The following MON1A variants were observed in gnomAD, a reference collection of about 807,000 sequenced individuals.
MON1A encodes the protein MON1 vesicular trafficking associated A.
Under a neutral mutation model 44.6 loss-of-function variants are expected in MON1A, and 29 were observed. The observed-to-expected ratio is 0.65, with a 90% CI of 0.48 to 0.89. The LOEUF (loss-of-function observed/expected upper bound fraction) is 0.89, where lower values mean the gene tolerates loss of function less well. Among genes scored for constraint, MON1A ranks in the 40% least tolerant of loss-of-function variants. MON1A has a pLI of 0.00. For synonymous variants in MON1A, 275 were observed against 316.4 expected (o/e 0.87, Z 1.39); for missense variants, 615 against 759.6 (o/e 0.81, Z 2.24).
At chr3:49,921,254 TTCA>T (rs2082993859) in intron 1 of MON1A, among the ~76,000 whole-genome samples, 1 of 151,136 alleles carries the variant, frequency 6.6e-6, no homozygotes, top group Non-Finnish European at 1.5e-5. Flanking sequence ...ACCTCCTGGG[TTCA>T]TGCCATTCTC....
rs1559492025 is a variant in MON1A, at chr3:49,911,245, G to GATAGATAGATAGATAGAT, written c.613+280_613+281insATCTATCTATCTATCTAT. On this transcript the variant is annotated intron_variant, in intron 3 of 5. Transcript: ENST00000296473. The surrounding 1 kb of genome is among the most constrained non-coding windows in gnomAD (Gnocchi z 5.7). ...AGATAGATAGATAGATAGATAGATA[G>GATAGATAGATAGATAGAT]AGTTTGTTGTTGTTGTTGTTGTTGC... Among the ~76,000 whole-genome samples, 13 of 78,342 alleles carry GATAGATAGATAGATAGAT rather than the reference G, an allele frequency of 1.7e-4. No individual in the cohort carries two copies. The highest frequency in any genetic ancestry group is 6.8e-3 in the Middle Eastern group (1 of 148). The allele number at this position is 78,342 out of a possible 152,430, so 51.4% of individuals were successfully genotyped here.
At chr3:49,929,024 A>C (rs1358688993) in intron 1 of MON1A, among the ~76,000 whole-genome samples, 1 of 152,216 alleles carries the variant, frequency 6.6e-6, no homozygotes, top group Non-Finnish European at 1.5e-5. Flanking sequence ...GAGCCTGGCC[A>C]ACATGGTGAA....
chr3:49,911,897 G>A lies in MON1A; in HGVS notation c.242C>T (p.Pro81Leu), dbSNP rs754910545. The change falls in exon 3 of 6, where the codon CCG (proline) becomes CTG (leucine). Residue 81 changes from proline (P) to leucine (L), a missense_variant. Physicochemically the swap from Pro to Leu is moderately conservative, Grantham distance 98. Transcript: ENST00000296473. This position sits in a 1 kb window ranked among gnomAD's most constrained non-coding sequence, Gnocchi z 5.7. ...CTGGCGCATGTCTGTAGGCAGCGGC[G>A]GGGGACCCCTGGTACCCTCCTTGTG... is the stretch of plus-strand genomic sequence containing the variant. Reference protein sequence around the residue: ...DSHKEGTRGPPPLPTDMRQIS... With the variant: ...DSHKEGTRGPLPLPTDMRQIS... 5.0e-6 allele frequency: 8 copies of A among 1,613,936 alleles called. 1 individual carries two copies. Among genetic ancestry groups the A allele is most frequent in the South Asian group, 2.2e-5 (2 of 91,080 alleles).
intron 1 of MON1A, among the ~76,000 whole-genome samples, chr3:49,917,256 G>A (rs1000760908): frequency 3.3e-5 from 5 of 152,064 alleles, no homozygotes; most frequent in African/African-American, 7.2e-5. Flanking sequence ...GCCAGCACCC[G>A]GCCTGGAATG....
rs764798216 is a variant in MON1A, at chr3:49,913,121, T to C, written c.127+99A>G. 14 of 1,502,524 alleles carry C rather than the reference T, an allele frequency of 9.3e-6. No individual in the cohort carries two copies. The East Asian group carries it at 3.2e-4, about 34-fold the overall frequency. 93.1% of individuals were successfully genotyped at this position (1,502,524 alleles called of 1,614,324 possible). A position where few individuals can be genotyped will look rare whatever the true frequency, so the allele number is the denominator to read the frequency against. On this transcript the variant is annotated intron_variant, in intron 2 of 5. Coordinates refer to ENST00000296473, the MANE Select transcript of MON1A (RefSeq NM_032355.4). ...AAATATCCAATGAGTGACTGACAAA[T>C]GCATGAATAAGTGGAAAGGAAAAAG...
chr3:49,910,218 C>G lies in MON1A; in HGVS notation c.1280G>C (p.Arg427Pro). The change falls in exon 4 of 6, where the codon CGA becomes CCA. Residue 427 changes from arginine to proline, a missense_variant. Transcript: ENST00000296473. This position sits in a 1 kb window ranked among gnomAD's most constrained non-coding sequence, Gnocchi z 8.0. ...LRKRGAHLALREALRTPYYSV... is the reference protein window; with the variant it reads ...LRKRGAHLALPEALRTPYYSV... ...GTAGTAGGGTGTGCGCAGTGCCTCT[C>G]GCAGGGCCAGGTGGGCTCCGCGCTT... 1.2e-6 allele frequency: 2 copies of G among 1,614,106 alleles called. No homozygotes were observed. Among genetic ancestry groups the G allele is most frequent in the Non-Finnish European group, 1.7e-6 (2 of 1,180,004 alleles).
At chr3:49,914,176 C>T (rs959523545) in intron 1 of MON1A, among the ~76,000 whole-genome samples, 2 of 151,452 alleles carry the variant, frequency 1.3e-5, no homozygotes, top group Admixed American at 6.6e-5. Context: ...CCGCAACCTC[C>T]ACCTCCCAGG....
Position 49,911,766 on chromosome 3 carries a change from CT to C in MON1A, c.372del (p.Ala126GlnfsTer36), listed in dbSNP as rs2082888634. On this transcript the variant is annotated frameshift_variant, in exon 3 of 6. Coordinates refer to ENST00000296473, the MANE Select transcript of MON1A (RefSeq NM_032355.4). LOFTEE classifies it high-confidence loss of function. The surrounding 1 kb of genome is among the most constrained non-coding windows in gnomAD (Gnocchi z 5.7). ...TCTGTGGCTGGTCGCCCAACTGCCC[CT>C]GGGGGTTCCAGCCAATCCTCAGAGC... ...PGSSEDWLEP[P>X]GAVGRPATEP... is the part of the protein sequence containing the mutation. The C allele has an allele frequency of 6.2e-7, 1 of 1,613,566 alleles. No individual in the cohort carries two copies. Among genetic ancestry groups the C allele is most frequent in the Non-Finnish European group, 8.5e-7 (1 of 1,179,788 alleles).
At chr3:49,917,234 T>C (rs2082952980) in intron 1 of MON1A, among the ~76,000 whole-genome samples, 1 of 152,212 alleles carries the variant, frequency 6.6e-6, no homozygotes, top group South Asian at 2.1e-4. Flanking sequence ...AGTCCTGGGA[T>C]TACAGCTGTG....
intron 1 of MON1A, 143 bp from the exon 2 acceptor site, chr3:49,913,502 C>A: frequency 4.1e-6 from 3 of 725,784 alleles, no homozygotes; most frequent in Non-Finnish European, 6.5e-6. Context: ...GAATTCCTTT[C>A]AAAAAAATAT....
rs751155226 is a variant in MON1A, at chr3:49,910,577, G to C, written c.921C>G (p.Ser307Arg). Reference sequence around the variant, plus strand: ...GCGCACGCGCCTGCTGCAGGCTGGCGCTCACAGTGTCGCGCACGGCCGCCG... The same window carrying C: ...GCGCACGCGCCTGCTGCAGGCTGGCCCTCACAGTGTCGCGCACGGCCGCCG... ...PLAAAVRDTV[S>R]ASLQQARARS... The change falls in exon 4 of 6, where the codon AGC becomes AGG. Residue 307 changes from serine (S) to arginine (R), a missense_variant. Physicochemically the swap from Ser to Arg is moderately radical, Grantham distance 110. Transcript: ENST00000296473. The surrounding 1 kb of genome is among the most constrained non-coding windows in gnomAD (Gnocchi z 8.0). 1 of 1,609,008 alleles carries C rather than the reference G, an allele frequency of 6.2e-7. No homozygotes were observed. The highest frequency in any genetic ancestry group is 8.5e-7 in the Non-Finnish European group (1 of 1,177,586).
chr3:49,924,092 A>C (rs2083028182), intron 1 of MON1A: 1 of 151,668 alleles, frequency 6.6e-6, no homozygotes, highest in Non-Finnish European at 1.5e-5. Flanking sequence ...ATAGGAAAAA[A>C]AAAAAACAAA....
rs2082857216 is a variant in MON1A, at chr3:49,910,212, G to A, written c.1286C>T (p.Ala429Val). ...KRGAHLALREALRTPYYSVAQ... is the reference protein window; with the variant it reads ...KRGAHLALREVLRTPYYSVAQ... ...AACGCTGTAGTAGGGTGTGCGCAGT[G>A]CCTCTCGCAGGGCCAGGTGGGCTCC... Residue 429 changes from alanine to valine, a missense_variant, in exon 4 of 6, where the codon GCA (alanine) becomes GTA (valine). Physicochemically the swap from Ala to Val is moderately conservative, Grantham distance 64 (BLOSUM62 0). Transcript: ENST00000296473. The surrounding 1 kb of genome is among the most constrained non-coding windows in gnomAD (Gnocchi z 8.0). The A allele has an allele frequency of 1.2e-6, 2 of 1,614,002 alleles. No homozygotes were observed. Among genetic ancestry groups the A allele is most frequent in the Admixed American group, 1.7e-5 (1 of 60,008 alleles).
chr3:49,909,057 T>G lies in MON1A; in HGVS notation c.1625A>C (p.Lys542Thr). ...GAGAATGAAGAGGCGGTCTTCCTCTTTGCGGATCCAGCGCATCAGCTTATG... is the reference window on the plus strand; with the variant it reads ...GAGAATGAAGAGGCGGTCTTCCTCTGTGCGGATCCAGCGCATCAGCTTATG... The part of the protein sequence containing the change: ...AIHKLMRWIR[K>T]EEDRLFILTP... Residue 542 changes from lysine to threonine, a missense_variant, in exon 6 of 6, where the codon AAA (lysine) becomes ACA (threonine). By Grantham distance (78) the Lys-to-Thr change is moderately conservative. Coordinates refer to ENST00000296473, the MANE Select transcript of MON1A (RefSeq NM_032355.4). This position sits in a 1 kb window ranked among gnomAD's most constrained non-coding sequence, Gnocchi z 4.0. 6.2e-7 allele frequency: 1 copy of G among 1,613,904 alleles called. No homozygotes were observed. Among genetic ancestry groups the G allele is most frequent in the Non-Finnish European group, 8.5e-7 (1 of 1,179,916 alleles).
At chr3:49,914,580 C>T (rs1346797474) in intron 1 of MON1A, among the ~76,000 whole-genome samples, 5 of 129,460 alleles carry the variant, frequency 3.9e-5, no homozygotes, top group Non-Finnish European at 6.3e-5. Context: ...TGGAGTCTTG[C>T]TCTCTCACCC....
In MON1A at chr3:49,911,248, T is replaced by TTTG. The variant is rs145310828; in HGVS notation, c.613+275_613+277dup. ...TAGATAGATAGATAGATAGATAGAG[T>TTTG]TTGTTGTTGTTGTTGTTGTTGCCTC... On this transcript the variant is annotated intron_variant, in intron 3 of 5. Transcript: ENST00000296473. The surrounding 1 kb of genome is among the most constrained non-coding windows in gnomAD (Gnocchi z 5.7). Among the ~76,000 whole-genome samples the TTTG allele has an allele frequency of 2.3e-4, 12 of 52,140 alleles. No individual in the cohort carries two copies. Among genetic ancestry groups the TTTG allele is most frequent in the South Asian group, 7.6e-4 (2 of 2,648 alleles). The allele number at this position is 52,140 out of a possible 152,430, so 34.2% of individuals were successfully genotyped here. A position where few individuals can be genotyped will look rare whatever the true frequency, so the allele number is the denominator to read the frequency against.
At chr3:49,926,488 ACT>A (rs1365257118) in intron 1 of MON1A, among the ~76,000 whole-genome samples, 1 of 151,932 alleles carries the variant, frequency 6.6e-6, no homozygotes, top group Non-Finnish European at 1.5e-5. Context: ...ACAGAATCTC[ACT>A]CTGTCACCCA....
intron 1 of MON1A, among the ~76,000 whole-genome samples, chr3:49,925,915 G>A (rs1475580161): frequency 1.3e-5 from 2 of 152,192 alleles, no homozygotes; most frequent in African/African-American, 2.4e-5. Context: ...GGAGATTGTT[G>A]CAGTAATCTC....
At chr3:49,913,006 A>G in intron 2 of MON1A, 1 of 701,176 alleles carries the variant, frequency 1.4e-6, no homozygotes, top group Middle Eastern at 2.3e-4. Context: ...TGGCAGCCAG[A>G]AAGCTCAGGG....
Sources: allele counts gnomAD v4.1 joint callset (sites outside exome capture counted in the v4.1 genomes callset), GRCh38; gene constraint gnomAD v4.1.1; non-coding constraint Gnocchi (gnomAD v3.1); transcripts MANE v1.5; gene names NCBI Gene and HGNC (gene_info 2026-07-23, HGNC 2026-07-21).